ST7: variants seen among roughly 807,000 people sequenced by gnomAD.
ST7 encodes the protein suppression of tumorigenicity 7.
ST7 carries 28 observed loss-of-function variants against 78.7 expected under a neutral mutation model. That is an observed-to-expected ratio of 0.36 (90% CI 0.26 to 0.49). ST7 has a LOEUF of 0.49. ST7 is among the 20% of genes least tolerant of loss of function. The pLI is 0.99. For missense variants in ST7, 418 were observed against 696.0 expected (o/e 0.60, Z 4.49); for synonymous variants, 247 against 249.6 (o/e 0.99, Z 0.10).
chr7:117,053,070 A>T (rs1380598979), intron 1 of ST7, among the ~76,000 whole-genome samples: 1 of 152,192 alleles, frequency 6.6e-6, no homozygotes, highest in East Asian at 1.9e-4. Context: ...CATTGCATGG[A>T]ATACTTAATC....
At chr7:117,220,406 C>T (rs558450555) in intron 14 of ST7, among the ~76,000 whole-genome samples, 1 of 152,294 alleles carries the variant, frequency 6.6e-6, no homozygotes, top group African/African-American at 2.4e-5. Context: ...TCACCGTGGG[C>T]CCATAGTTTA....
chr7:117,213,659 T>C (rs1384065276), intron 13 of ST7, among the ~76,000 whole-genome samples: 1 of 151,532 alleles, frequency 6.6e-6, no homozygotes, highest in Non-Finnish European at 1.5e-5. Flanking sequence ...AAAACAAAAC[T>C]GAATCCTCAA....
chr7:116,981,850 A>G (rs1265619204), intron 1 of ST7, among the ~76,000 whole-genome samples: 1 of 152,214 alleles, frequency 6.6e-6, no homozygotes, highest in Non-Finnish European at 1.5e-5. Flanking sequence ...GTACATAATT[A>G]TATGTGCTAT....
At chr7:117,045,698 A>G (rs1797458307) in intron 1 of ST7, among the ~76,000 whole-genome samples, 1 of 152,190 alleles carries the variant, frequency 6.6e-6, no homozygotes, top group Non-Finnish European at 1.5e-5. Flanking sequence ...CACAAGGACA[A>G]GGGTTTTTGT....
intron 6 of ST7, 98 bp from the exon 7 acceptor site, chr7:117,134,026 C>G: frequency 6.7e-7 from 1 of 1,487,320 alleles, no homozygotes; most frequent in Non-Finnish European, 9.0e-7. Flanking sequence ...TCCACCTTCC[C>G]CTCTTTGATT....
intron 1 of ST7, among the ~76,000 whole-genome samples, chr7:117,058,618 C>G (rs986027314): frequency 3.3e-5 from 5 of 152,144 alleles, no homozygotes; most frequent in African/African-American, 9.7e-5. Context: ...TCATATCCAT[C>G]CTGTGTTTTA....
In ST7 at chr7:116,989,969, C is replaced by T. The variant is rs138995218; in HGVS notation, c.151+36278C>T. ...TGTTTGTTTGTTTTTGAGACAGAGT[C>T]TCGCTCTGTTGCCCAGGCTGGAGTG... is the stretch of plus-strand genomic sequence containing the variant. On this transcript the variant is annotated intron_variant, in intron 1 of 15. Transcript: ENST00000323984. Among the ~76,000 whole-genome samples the T allele has an allele frequency of 5.1e-3, 778 of 152,286 alleles. 6 individuals are homozygous for T. Among genetic ancestry groups the T allele is most frequent in the African/African-American group, 0.018 (738 of 41,556 alleles).
intron 1 of ST7, among the ~76,000 whole-genome samples, chr7:117,015,970 G>A (rs1001019146): frequency 4.6e-5 from 7 of 152,064 alleles, no homozygotes; most frequent in African/African-American, 1.7e-4. Context: ...AACTGTAGGT[G>A]GATCTTTGGC....
chr7:117,126,403 T>C (rs539145560), intron 3 of ST7, among the ~76,000 whole-genome samples: 1 of 152,052 alleles, frequency 6.6e-6, no homozygotes, highest in African/African-American at 2.4e-5. Context: ...CTCTTGAGTA[T>C]TGTGACAAAG....
intron 1 of ST7, among the ~76,000 whole-genome samples, chr7:117,014,159 G>T (rs1374874352): frequency 6.6e-6 from 1 of 152,114 alleles, no homozygotes; most frequent in Admixed American, 6.6e-5. Context: ...CATTCAGGTT[G>T]CTTACAAAAA....
At chr7:116,990,223 A>C (rs372053939) in intron 1 of ST7, among the ~76,000 whole-genome samples, 1 of 152,238 alleles carries the variant, frequency 6.6e-6, no homozygotes, top group African/African-American at 2.4e-5. Context: ...GGTGTGAGCC[A>C]CCACGCCCGG....
At chr7:117,091,392 A>G (rs1277870220) in intron 1 of ST7, among the ~76,000 whole-genome samples, 4 of 152,204 alleles carry the variant, frequency 2.6e-5, no homozygotes, top group Admixed American at 6.5e-5. Flanking sequence ...AATATTGTGT[A>G]TTTAAAATAG....
rs78411367 is a variant in ST7 at position 117,066,807 on chromosome 7, A to G, written c.152-32955A>G. ...AAAAAAGTGGGATTCAGTGGTTTTTAGTATGTTCACAGAGTTGTGCAACCA... is the reference window on the plus strand; with the variant it reads ...AAAAAAGTGGGATTCAGTGGTTTTTGGTATGTTCACAGAGTTGTGCAACCA... On this transcript the variant is annotated intron_variant, in intron 1 of 15. Transcript: ENST00000323984. Among the ~76,000 whole-genome samples, 6 of 148,128 alleles carry G rather than the reference A, an allele frequency of 4.1e-5. No individual in the cohort carries two copies. In the East Asian group the frequency reaches 1.2e-3, roughly 30 times the overall value.
chr7:117,169,025 C>T (rs1807776188), intron 9 of ST7, among the ~76,000 whole-genome samples: 1 of 152,002 alleles, frequency 6.6e-6, no homozygotes, highest in South Asian at 2.1e-4. Context: ...TGATTCTGCT[C>T]TATAAAGAAC....
intron 1 of ST7, among the ~76,000 whole-genome samples, chr7:117,067,253 T>C (rs1472974376): frequency 6.6e-6 from 1 of 152,010 alleles, no homozygotes; most frequent in African/African-American, 2.4e-5. Flanking sequence ...TGTGAGCGTA[T>C]ACCTAGTAGT....
chr7:117,137,579 A>G (rs1363714215), intron 8 of ST7, among the ~76,000 whole-genome samples: 1 of 152,146 alleles, frequency 6.6e-6, no homozygotes, highest in East Asian at 1.9e-4. Flanking sequence ...TACTTGGCAG[A>G]TTTTCAGCAC....
At chr7:117,106,351 G>C (rs1433170944) in intron 2 of ST7, among the ~76,000 whole-genome samples, 1 of 152,124 alleles carries the variant, frequency 6.6e-6, no homozygotes, top group Non-Finnish European at 1.5e-5. Flanking sequence ...GTCAGGCCTA[G>C]AACCTAAGTC....
chr7:117,103,616 T>G (rs1241415649), intron 2 of ST7, among the ~76,000 whole-genome samples: 2 of 146,386 alleles, frequency 1.4e-5, no homozygotes, highest in Non-Finnish European at 3.1e-5. Flanking sequence ...GATTAAATAC[T>G]TAAATCTAAG....
chr7:116,958,154 C>T (rs994730046), intron 1 of ST7, among the ~76,000 whole-genome samples: 3 of 137,876 alleles, frequency 2.2e-5, no homozygotes, highest in Admixed American at 1.6e-4. Context: ...CACCACAGTG[C>T]GTGGCTAATT....
Sources: gnomAD v4.1 joint callset for allele counts (sites outside exome capture counted in the v4.1 genomes callset) on GRCh38, gnomAD v4.1.1 for gene constraint, MANE v1.5 for transcripts, NCBI Gene and HGNC (gene_info 2026-07-23, HGNC 2026-07-21) for gene names.